KHDRBS2: variants seen among roughly 807,000 people sequenced by gnomAD.
The protein encoded by KHDRBS2 is KH RNA binding domain containing, signal transduction associated 2, also known as KH domain-containing, RNA-binding, signal transduction-associated protein 2.
KHDRBS2 carries 26 observed loss-of-function variants against 44.3 expected under a neutral mutation model. The ratio of observed to expected loss-of-function variants is 0.59; its 90% CI spans 0.43 to 0.81. The LOEUF (loss-of-function observed/expected upper bound fraction) is 0.81. Ranked by LOEUF, KHDRBS2 falls within the 40% of genes least tolerant of loss-of-function variation. The pLI is 0.00. For missense variants in KHDRBS2, 476 were observed against 433.1 expected, an observed-to-expected ratio of 1.10 and a Z score of -0.88; for synonymous variants, 194 against 151.1, an observed-to-expected ratio of 1.28 and a Z score of -2.08.
intron 6 of KHDRBS2, among the ~76,000 whole-genome samples, chr6:61,786,828 C>G (rs1213415702): frequency 1.3e-5 from 2 of 151,774 alleles, no homozygotes; most frequent in East Asian, 3.9e-4. Flanking sequence ...TACTCACACA[C>G]ATGTACATGA....
chr6:61,627,024 C>T, the KHDRBS2 span, among the ~76,000 whole-genome samples: 8 of 151,860 alleles, frequency 5.3e-5, no homozygotes, highest in East Asian at 1.9e-4. Flanking sequence ...GAGGCCGAGG[C>T]GGGAGGATCA....
At chr6:62,015,436 G>A (rs897697956) in intron 3 of KHDRBS2, among the ~76,000 whole-genome samples, 1 of 152,070 alleles carries the variant, frequency 6.6e-6, no homozygotes, top group Non-Finnish European at 1.5e-5. Context: ...GACTGCTGCA[G>A]TATTTTCACA....
At position 61,685,459 on chromosome 6, in the gene KHDRBS2, A is replaced by G. The variant is rs62423527; in HGVS notation, c.953-4399T>C. On this transcript the variant is annotated intron_variant, in intron 8 of 8. Coordinates refer to ENST00000281156, the MANE Select transcript of KHDRBS2 (RefSeq NM_152688.4). Reference sequence around the variant, plus strand: ...ACCAATTATGCAAAATAAGTAAAATAGAACTTTTCAGAAAGGCATTATTAG... The same window carrying G: ...ACCAATTATGCAAAATAAGTAAAATGGAACTTTTCAGAAAGGCATTATTAG... Among the ~76,000 whole-genome samples, 381 of 152,002 alleles carry G rather than the reference A, an allele frequency of 2.5e-3. 2 individuals are homozygous for G. The highest frequency in any genetic ancestry group is 3.9e-3 in the Non-Finnish European group (263 of 67,884).
At chr6:62,228,806 G>A (rs1360289213) in intron 1 of KHDRBS2, among the ~76,000 whole-genome samples, 1 of 152,062 alleles carries the variant, frequency 6.6e-6, no homozygotes, top group African/African-American at 2.4e-5. Context: ...AGTCATTCAG[G>A]AGCTGATTTG....
intron 6 of KHDRBS2, among the ~76,000 whole-genome samples, chr6:61,797,252 C>T (rs1194038907): frequency 7.9e-5 from 12 of 151,918 alleles, no homozygotes. Context: ...GAAGATGATG[C>T]CAAAAACAAT....
intron 3 of KHDRBS2, among the ~76,000 whole-genome samples, chr6:62,009,072 G>C (rs115041413): frequency 6.6e-6 from 1 of 152,234 alleles, no homozygotes; most frequent in African/African-American, 2.4e-5. Context: ...GAGGAAGAAA[G>C]GAAAATGTGG....
the KHDRBS2 span, among the ~76,000 whole-genome samples, chr6:61,645,512 C>T: frequency 3.2e-5 from 4 of 125,312 alleles, no homozygotes; most frequent in Non-Finnish European, 6.8e-5. Flanking sequence ...CAACAAAATA[C>T]TTTGGCAGCC....
At chr6:62,237,091 C>G (rs1429476182) in intron 1 of KHDRBS2, among the ~76,000 whole-genome samples, 1 of 152,150 alleles carries the variant, frequency 6.6e-6, no homozygotes, top group African/African-American at 2.4e-5. Context: ...AGGTGGCTTA[C>G]TTTGTTTTCC....
intron 6 of KHDRBS2, among the ~76,000 whole-genome samples, chr6:61,864,194 A>C (rs1164232224): frequency 1.3e-5 from 2 of 152,118 alleles, no homozygotes; most frequent in African/African-American, 4.8e-5. Context: ...GGTCTCTTGA[A>C]GACAGCATAC....
intron 2 of KHDRBS2, among the ~76,000 whole-genome samples, chr6:62,167,296 T>C (rs1562987694): frequency 6.6e-6 from 1 of 152,068 alleles, no homozygotes; most frequent in Non-Finnish European, 1.5e-5. Context: ...TAAAAAATGA[T>C]GTGAGTAGAA....
intron 4 of KHDRBS2, among the ~76,000 whole-genome samples, chr6:61,909,555 T>C (rs1212726695): frequency 6.6e-6 from 1 of 152,132 alleles, no homozygotes; most frequent in Non-Finnish European, 1.5e-5. Context: ...ATGAAATAAT[T>C]TCCATGAAAT....
At chr6:62,026,441 T>A (rs9354529) in intron 3 of KHDRBS2, among the ~76,000 whole-genome samples, 37,361 of 121,156 alleles carry the variant, frequency 0.31, 4,985 homozygotes, top group East Asian at 0.43. Flanking sequence ...TATTATTATT[T>A]TTTTTTTTGG....
intron 6 of KHDRBS2, among the ~76,000 whole-genome samples, chr6:61,771,576 A>C (rs1780916099): frequency 6.6e-6 from 1 of 152,232 alleles, no homozygotes; most frequent in Admixed American, 6.5e-5. Flanking sequence ...ACCAAAGATC[A>C]AAAGAGACAA....
At chr6:62,217,901 G>T (rs1025751071) in intron 1 of KHDRBS2, among the ~76,000 whole-genome samples, 2 of 151,744 alleles carry the variant, frequency 1.3e-5, no homozygotes, top group African/African-American at 4.8e-5. Context: ...TGTCCAACTG[G>T]ATAATTTGAA....
chr6:62,277,224 CTATA>C (rs1237503904), intron 1 of KHDRBS2, among the ~76,000 whole-genome samples: 3 of 151,920 alleles, frequency 2.0e-5, no homozygotes, highest in Non-Finnish European at 4.4e-5. Context: ...AAATATCTGT[CTATA>C]TATGTAGTTG....
chr6:62,105,169 C>T (rs1400132120), intron 2 of KHDRBS2, among the ~76,000 whole-genome samples: 1 of 152,028 alleles, frequency 6.6e-6, no homozygotes, highest in Non-Finnish European at 1.5e-5. Context: ...GTCAAGATGG[C>T]TTCAATAGTG....
Position 62,035,260 on chromosome 6 carries a change from A to G in KHDRBS2, c.336+12618T>C, listed in dbSNP as rs1429194664. On this transcript the variant is annotated intron_variant, in intron 3 of 8. Transcript: ENST00000281156. ...AACCTATGTGTCCACCACCAGAGGA[A>G]TGGATAAAGAAAATGTGGTACTTAT... Among the ~76,000 whole-genome samples, 45 of 152,142 alleles carry G rather than the reference A, an allele frequency of 3.0e-4. 1 individual carries two copies. The highest frequency in any genetic ancestry group is 2.6e-4 in the Admixed American group (4 of 15,238).
At chr6:61,659,853 C>A in the KHDRBS2 span, among the ~76,000 whole-genome samples, 1,374 of 151,886 alleles carry the variant, frequency 9.0e-3, 8 homozygotes, top group Non-Finnish European at 0.015. Context: ...ATTATGTGAG[C>A]AGGCCATACT....
chr6:61,964,462 T>C (rs149415103), intron 4 of KHDRBS2, among the ~76,000 whole-genome samples: 2 of 152,032 alleles, frequency 1.3e-5, no homozygotes, highest in African/African-American at 4.8e-5. Context: ...GCAAATAGCA[T>C]ATTCACTGTC....
Sources: gnomAD v4.1 joint callset for allele counts (sites outside exome capture counted in the v4.1 genomes callset) on GRCh38, gnomAD v4.1.1 for gene constraint, MANE v1.5 for transcripts, NCBI Gene and HGNC (gene_info 2026-07-23, HGNC 2026-07-21) for gene names.